AUTS2: variants seen among roughly 807,000 people sequenced by gnomAD.
AUTS2 encodes activator of transcription and developmental regulator AUTS2, also known as autism susceptibility gene 2 protein.
In AUTS2, 17 loss-of-function variants were observed where a neutral mutation model predicts 112.4. The ratio of observed to expected loss-of-function variants is 0.15; its 90% CI spans 0.10 to 0.23. AUTS2 has a LOEUF of 0.23. Ranked by LOEUF, AUTS2 falls within the 10% of genes least tolerant of loss-of-function variation. AUTS2 has a pLI of 1.00. For synonymous variants in AUTS2, 751 were observed against 702.7 expected (o/e 1.07, Z -1.09); for missense variants, 1,510 against 1,701.6 (o/e 0.89, Z 1.98).
At chr7:70,122,960 C>T (rs1271559503) in intron 3 of AUTS2, among the ~76,000 whole-genome samples, 1 of 151,094 alleles carries the variant, frequency 6.6e-6, no homozygotes, top group African/African-American at 2.4e-5. Context: ...ACTGCAGCCT[C>T]CACCTCCTGG....
intron 5 of AUTS2, among the ~76,000 whole-genome samples, chr7:70,560,371 A>G (rs1254052023): frequency 3.3e-5 from 5 of 152,158 alleles, no homozygotes; most frequent in African/African-American, 1.2e-4. Flanking sequence ...TGCCACAAGG[A>G]CAGGGGTTTT....
chr7:70,697,265 A>C (rs1472581770), intron 5 of AUTS2, among the ~76,000 whole-genome samples: 1 of 152,232 alleles, frequency 6.6e-6, no homozygotes, highest in Non-Finnish European at 1.5e-5. Context: ...GTTAAACTGC[A>C]TGTATAAATG....
chr7:70,563,480 G>T (rs1305086701), intron 5 of AUTS2, among the ~76,000 whole-genome samples: 1 of 152,198 alleles, frequency 6.6e-6, no homozygotes, highest in Non-Finnish European at 1.5e-5. Flanking sequence ...GATGTTAATA[G>T]ATGTCACTGG....
chr7:69,609,601 T>G (rs902151722), intron 1 of AUTS2, among the ~76,000 whole-genome samples: 3 of 152,222 alleles, frequency 2.0e-5, no homozygotes, highest in Admixed American at 1.3e-4. Flanking sequence ...TTTCTTTGTG[T>G]AAAATATTTT....
At chr7:70,701,634 G>A (rs1809467149) in intron 6 of AUTS2, among the ~76,000 whole-genome samples, 1 of 152,104 alleles carries the variant, frequency 6.6e-6, no homozygotes, top group Non-Finnish European at 1.5e-5. Context: ...TTTAAAACAA[G>A]TTAATCAAAC....
intron 5 of AUTS2, among the ~76,000 whole-genome samples, chr7:70,451,154 C>T (rs1796513147): frequency 6.6e-6 from 1 of 151,950 alleles, no homozygotes; most frequent in African/African-American, 2.4e-5. Context: ...TCTGTGTCTA[C>T]AGGAATAAAT....
In AUTS2 at chr7:70,619,251, G is replaced by A. The variant is rs143391265; in HGVS notation, c.691-79318G>A. ...ACTTGATCTGTTTTAATAGGGGCCC[G>A]GTGGGAGTTTCCTCCCTGCCCCACT... On this transcript the variant is annotated intron_variant, in intron 5 of 18. Coordinates refer to ENST00000342771, the MANE Select transcript of AUTS2 (RefSeq NM_015570.4). Among the ~76,000 whole-genome samples, 661 of 152,296 alleles carry A rather than the reference G, an allele frequency of 4.3e-3. 6 individuals carry two copies. The highest frequency in any genetic ancestry group is 0.015 in the African/African-American group (629 of 41,570).
At chr7:69,836,510 A>G (rs1485711115) in intron 1 of AUTS2, among the ~76,000 whole-genome samples, 2 of 152,198 alleles carry the variant, frequency 1.3e-5, no homozygotes, top group African/African-American at 4.8e-5. Context: ...AATCTTTGGT[A>G]AATCCTTGTG....
At chr7:69,661,572 T>C (rs1238640839) in intron 1 of AUTS2, among the ~76,000 whole-genome samples, 1 of 152,212 alleles carries the variant, frequency 6.6e-6, no homozygotes, top group Non-Finnish European at 1.5e-5. Context: ...GGGACAGTAA[T>C]TGGTGTGATC....
chr7:70,342,984 C>T (rs1791337123), intron 4 of AUTS2, among the ~76,000 whole-genome samples: 1 of 152,032 alleles, frequency 6.6e-6, no homozygotes, highest in Non-Finnish European at 1.5e-5. Context: ...AGGAGGTGGC[C>T]AGAATCAGTA....
intron 1 of AUTS2, among the ~76,000 whole-genome samples, chr7:69,782,224 G>C (rs529617868): frequency 6.6e-6 from 1 of 152,106 alleles, no homozygotes; most frequent in Admixed American, 6.6e-5. Context: ...TCAGCTGGGC[G>C]TGGTGGTGTG....
intron 5 of AUTS2, among the ~76,000 whole-genome samples, chr7:70,504,000 T>C (rs1327208387): frequency 1.3e-5 from 2 of 151,722 alleles, no homozygotes; most frequent in Non-Finnish European, 2.9e-5. Context: ...GAATTTGTCA[T>C]TGAAACAAAA....
At chr7:69,891,615 C>T (rs566581265) in intron 1 of AUTS2, among the ~76,000 whole-genome samples, 3 of 151,894 alleles carry the variant, frequency 2.0e-5, no homozygotes, top group South Asian at 4.2e-4. Context: ...TATGAGCATC[C>T]TCTGCATCCT....
chr7:69,628,284 A>G (rs186804189), intron 1 of AUTS2, among the ~76,000 whole-genome samples: 5 of 152,304 alleles, frequency 3.3e-5, no homozygotes, highest in Non-Finnish European at 4.4e-5. Flanking sequence ...TCACAGAGAG[A>G]GGAAACTTTT....
intron 5 of AUTS2, among the ~76,000 whole-genome samples, chr7:70,502,586 C>G (rs995420121): frequency 6.6e-6 from 1 of 152,064 alleles, no homozygotes; most frequent in East Asian, 1.9e-4. Flanking sequence ...TTTTGTGTCC[C>G]CTGCAGAAAA....
intron 13 of AUTS2, among the ~76,000 whole-genome samples, chr7:70,775,605 G>C (rs903956941): frequency 9.9e-5 from 15 of 151,720 alleles, no homozygotes; most frequent in African/African-American, 3.6e-4. Context: ...CTCTACAACA[G>C]AGAAAAGTCA....
chr7:70,478,377 A>C (rs1305169304), intron 5 of AUTS2, among the ~76,000 whole-genome samples: 1 of 152,090 alleles, frequency 6.6e-6, no homozygotes. Context: ...CCTCCCATTC[A>C]GGTGCTTGCT....
chr7:69,731,498 C>T (rs889292160), intron 1 of AUTS2, among the ~76,000 whole-genome samples: 2 of 152,096 alleles, frequency 1.3e-5, no homozygotes, highest in Admixed American at 6.6e-5. Context: ...GTGCCTGACC[C>T]ATAGCAAATG....
chr7:69,636,022 A>G (rs1200649702), intron 1 of AUTS2, among the ~76,000 whole-genome samples: 1 of 152,164 alleles, frequency 6.6e-6, no homozygotes, highest in Non-Finnish European at 1.5e-5. Flanking sequence ...CAGCCAAACA[A>G]TTTGCATTCA....
Sources: gnomAD v4.1 joint callset for allele counts (sites outside exome capture counted in the v4.1 genomes callset) on GRCh38, gnomAD v4.1.1 for gene constraint, MANE v1.5 for transcripts, NCBI Gene and HGNC (gene_info 2026-07-23, HGNC 2026-07-21) for gene names.